The following ATG4D variants were observed in gnomAD, a reference collection of about 807,000 sequenced individuals.
The protein encoded by ATG4D is cysteine protease ATG4D.
ATG4D carries 51 observed loss-of-function variants against 55.2 expected under a neutral mutation model. That is an observed-to-expected ratio of 0.92 (90% confidence interval 0.74 to 1.17). The LOEUF is 1.17. Among genes scored for constraint, ATG4D ranks in the 50% most tolerant of loss-of-function variants. The pLI, the probability that ATG4D is intolerant of heterozygous loss-of-function variation, is 0.00. For synonymous variants in ATG4D, 268 were observed against 266.2 expected (o/e 1.01, Z -0.07); for missense variants, 635 against 649.6 (o/e 0.98, Z 0.25).
intron 6 of ATG4D, among the ~76,000 whole-genome samples, chr19:10,550,339 T>C (rs1216910163): frequency 6.6e-6 from 1 of 151,802 alleles, no homozygotes; most frequent in African/African-American, 2.4e-5. Context: ...AGTAACCCAA[T>C]GAAGGGCAGA....
At position 10,547,202 on chromosome 19, in the gene ATG4D, A is replaced by T. The variant is rs11556838; in HGVS notation, c.784A>T (p.Ser262Cys). The T allele has an allele frequency of 6.2e-7, 1 of 1,613,846 alleles. No individual in the cohort carries two copies. Among genetic ancestry groups the T allele is most frequent in the Admixed American group, 1.7e-5 (1 of 59,994 alleles). Residue 262 changes from serine (S) to cysteine (C), a missense_variant, in exon 5 of 10, where the codon AGC becomes TGC. By Grantham distance (112) the Ser-to-Cys change is moderately radical. Transcript: ENST00000309469. ...TCCTGCCCCCAGGAAAGCCGTGGAGAGCTGCTCCGACGTCACCCGCCTGGT... is the reference window on the plus strand; with the variant it reads ...TCCTGCCCCCAGGAAAGCCGTGGAGTGCTGCTCCGACGTCACCCGCCTGGT... ...VAHILRKAVESCSDVTRLVVY... is the reference protein window; with the variant it reads ...VAHILRKAVECCSDVTRLVVY...
In ATG4D at chr19:10,553,108, T is replaced by A; in HGVS notation, c.*41T>A. 6.5e-7 allele frequency: 1 copy of A among 1,541,356 alleles called. No homozygotes were observed. The highest frequency in any genetic ancestry group is 1.4e-5 in the African/African-American group (1 of 72,850). ...GGAAAGATACAACACTATTTATTTT[T>A]TTATTTATGTCATGTCGGGTGTGGG... On this transcript the variant is annotated 3_prime_UTR_variant, in exon 10 of 10. Coordinates refer to ENST00000309469, the MANE Select transcript of ATG4D (RefSeq NM_032885.6).
At chr19:10,552,444 T>G in intron 9 of ATG4D, 120 bp downstream of exon 9, 2 of 1,322,562 alleles carry the variant, frequency 1.5e-6, no homozygotes, top group Non-Finnish European at 2.0e-6. Flanking sequence ...CTAGGGGTCC[T>G]AACCTGGGAA....
Position 10,544,856 on chromosome 19 carries a change from C to T in ATG4D, c.309C>T (p.Phe103=), listed in dbSNP as rs867988007. ...ACCTCTGTGGCCGCCGCTACCGTTT[C>T]GAGGGCGAGGGTGAGCTGGTGGTTG... The part of the protein sequence containing the change: ...SIHLCGRRYR[F]EGEGDIQRFQ... Residue 103 remains phenylalanine, a synonymous_variant, in exon 2 of 10, where the codon TTC becomes TTT. Coordinates refer to ENST00000309469, the MANE Select transcript of ATG4D (RefSeq NM_032885.6). 5.6e-6 allele frequency: 9 copies of T among 1,610,050 alleles called. No homozygotes were observed. In the Middle Eastern group the frequency reaches 8.3e-4, roughly 148 times the overall value.
intron 3 of ATG4D, 107 bp downstream of exon 3, chr19:10,545,237 T>C: frequency 7.0e-7 from 1 of 1,428,278 alleles, no homozygotes; most frequent in Non-Finnish European, 9.4e-7. Context: ...GTTAGAATTG[T>C]GTGTCAAGTA....
chr19:10,544,363 G>T, intron 1 of ATG4D, 38 bp downstream of exon 1: 1 of 1,292,264 alleles, frequency 7.7e-7, no homozygotes, highest in Non-Finnish European at 9.9e-7. Context: ...GGTGTCGGGG[G>T]CCGTTGAGGA....
chr19:10,544,908 A>C (rs933612174), intron 2 of ATG4D, 42 bp downstream of exon 2: 18 of 1,589,136 alleles, frequency 1.1e-5, no homozygotes, highest in South Asian at 3.4e-5. Flanking sequence ...AGGCCTCTCC[A>C]CGCCCGCCGG....
At chr19:10,550,473 A>G (rs1021039082) in intron 6 of ATG4D, among the ~76,000 whole-genome samples, 1 of 152,110 alleles carries the variant, frequency 6.6e-6, no homozygotes, top group African/African-American at 2.4e-5. Flanking sequence ...AAAGTCCCCT[A>G]TGTATTTGCA....
chr19:10,552,800 T>C, intron 9 of ATG4D, 85 bp from the exon 10 acceptor site: 2 of 1,418,146 alleles, frequency 1.4e-6, no homozygotes, highest in East Asian at 2.3e-5. Context: ...GAGGTGGTCC[T>C]GAGAAGCACC....
At chr19:10,546,706 A>G (rs1853308546) in intron 3 of ATG4D, 133 bp from the exon 4 acceptor site, 1 of 937,140 alleles carries the variant, frequency 1.1e-6, no homozygotes, top group Non-Finnish European at 1.6e-6. Context: ...GGATAAGTAT[A>G]TGTTTCAGGA....
In ATG4D at chr19:10,544,800, C is replaced by T. The variant is rs970701156; in HGVS notation, c.253C>T (p.Arg85Trp). 3 of 1,613,992 alleles carry T rather than the reference C, an allele frequency of 1.9e-6. No individual in the cohort carries two copies. Among genetic ancestry groups the T allele is most frequent in the East Asian group, 2.2e-5 (1 of 44,900 alleles). ...CTCCCCAGGTTGGGTGGTTAAAAGC[C>T]GGACCAGCTTTAGCAAGATCTCCAG... ...NVKYGWVVKS[R>W]TSFSKISSIH... The change falls in exon 2 of 10, where the codon CGG becomes TGG. Residue 85 changes from arginine to tryptophan, a missense_variant. Coordinates refer to ENST00000309469, the MANE Select transcript of ATG4D (RefSeq NM_032885.6).
intron 5 of ATG4D, among the ~76,000 whole-genome samples, chr19:10,547,911 G>A (rs1179097300): frequency 7.3e-6 from 1 of 137,592 alleles, no homozygotes; most frequent in Non-Finnish European, 1.5e-5. Flanking sequence ...TGACAAGGCC[G>A]GTCTTGAACT....
Position 10,546,991 on chromosome 19 carries a change from G to T in ATG4D, c.646G>T (p.Val216Leu). 6.2e-7 allele frequency: 1 copy of T among 1,600,474 alleles called. No individual in the cohort carries two copies. Among genetic ancestry groups the T allele is most frequent in the Non-Finnish European group, 8.5e-7 (1 of 1,174,112 alleles). ...GCAGGAACGCCGGCACCGGCAGATT[G>T]TGTCCTGGTTCGCCGACCACCCCCG... ...LEQERRHRQI[V>L]SWFADHPRAP... Residue 216 changes from valine to leucine, a missense_variant, in exon 4 of 10, where the codon GTG becomes TTG. Coordinates refer to ENST00000309469, the MANE Select transcript of ATG4D (RefSeq NM_032885.6).
intron 3 of ATG4D, among the ~76,000 whole-genome samples, chr19:10,545,776 G>A (rs1219438173): frequency 1.3e-5 from 2 of 151,280 alleles, no homozygotes; most frequent in African/African-American, 2.4e-5. Flanking sequence ...GTAAAGCAGA[G>A]AATTGCTTGA....
chr19:10,546,993 G>A lies in ATG4D; in HGVS notation c.648G>A (p.Val216=), dbSNP rs1008717071. ...AGGAACGCCGGCACCGGCAGATTGT[G>A]TCCTGGTTCGCCGACCACCCCCGGG... ...LEQERRHRQI[V]SWFADHPRAP... The change falls in exon 4 of 10, where the codon GTG becomes GTA. Residue 216 remains valine (V), a synonymous_variant. Coordinates refer to ENST00000309469, the MANE Select transcript of ATG4D (RefSeq NM_032885.6). 7 of 1,596,382 alleles carry A rather than the reference G, an allele frequency of 4.4e-6. No homozygotes were observed. The African/African-American group carries it at 9.4e-5, about 21-fold the overall frequency.
chr19:10,548,017 T>C (rs1916102523), intron 5 of ATG4D, among the ~76,000 whole-genome samples: 1 of 18,620 alleles, frequency 5.4e-5, no homozygotes, highest in Non-Finnish European at 1.2e-4. Flanking sequence ...TTTTTTTTTT[T>C]TTTTTTTTTT....
intron 6 of ATG4D, among the ~76,000 whole-genome samples, chr19:10,550,708 CTTTTT>C (rs34184188): frequency 9.0e-5 from 9 of 100,054 alleles, no homozygotes; most frequent in Admixed American, 2.6e-4. Flanking sequence ...ATGCATGTGG[CTTTTT>C]TTTTTTTTTT....
At chr19:10,547,799 C>T (rs899951245) in intron 5 of ATG4D, among the ~76,000 whole-genome samples, 97 of 149,456 alleles carry the variant, frequency 6.5e-4, no homozygotes, top group Non-Finnish European at 7.3e-4. Context: ...TGGGTTCAAG[C>T]GATTCTCCTG....
intron 3 of ATG4D, among the ~76,000 whole-genome samples, chr19:10,545,533 C>T (rs1916005879): frequency 1.3e-5 from 2 of 151,722 alleles, no homozygotes; most frequent in Non-Finnish European, 2.9e-5. Context: ...GATCGCACCA[C>T]TGCACTCCAG....
Sources: gnomAD v4.1 joint callset for allele counts (sites outside exome capture counted in the v4.1 genomes callset) on GRCh38, gnomAD v4.1.1 for gene constraint, MANE v1.5 for transcripts, NCBI Gene and HGNC (gene_info 2026-07-23, HGNC 2026-07-21) for gene names.